PLEKHG4: variants seen among roughly 807,000 people sequenced by gnomAD.
PLEKHG4 encodes the protein puratrophin-1.
A neutral mutation model predicts 136.9 loss-of-function variants in PLEKHG4; 85 were observed. The ratio of observed to expected loss-of-function variants is 0.62; its 90% CI spans 0.52 to 0.74. The LOEUF (loss-of-function observed/expected upper bound fraction) is 0.74, where lower values mean the gene tolerates loss of function less well. PLEKHG4 is among the 30% of genes least tolerant of loss of function. The pLI is 0.00. For missense variants in PLEKHG4, 1,317 were observed against 1,527.8 expected (o/e 0.86, Z 2.30); for synonymous variants, 577 against 646.9 (o/e 0.89, Z 1.64).
rs1296417818 is a variant in PLEKHG4, at chr16:67,282,367, C to T, written c.1253+18C>T. 1.9e-6 allele frequency: 3 copies of T among 1,610,962 alleles called. No individual in the cohort carries two copies. The highest frequency in any genetic ancestry group is 2.5e-6 in the Non-Finnish European group (3 of 1,179,066). Reference sequence around the variant, plus strand: ...GACTACAGGTGAGTGCAAGCCCGGCCCCCAGATCTTGCCCCAGCCCACCAT... The same window carrying T: ...GACTACAGGTGAGTGCAAGCCCGGCTCCCAGATCTTGCCCCAGCCCACCAT... On this transcript the variant is annotated intron_variant, in intron 9 of 21. Transcript: ENST00000379344.
chr16:67,286,399 C>A, intron 15 of PLEKHG4, 36 bp downstream of exon 15: 1 of 1,604,736 alleles, frequency 6.2e-7, no homozygotes, highest in Non-Finnish European at 8.5e-7. Flanking sequence ...GTAGGGGATG[C>A]GGGGAGTGCC....
rs1330993804 is a variant in PLEKHG4, at chr16:67,284,743, G to A, written c.1723G>A (p.Val575Met). 2 of 1,613,938 alleles carry A rather than the reference G, an allele frequency of 1.2e-6. No individual in the cohort carries two copies. The highest frequency in any genetic ancestry group is 1.7e-6 in the Non-Finnish European group (2 of 1,179,970). The part of the protein sequence containing the change: ...ALTWAEEGQR[V>M]LAELEQERPG... ...GACGTGGGCTGAGGAGGGGCAGCGA[G>A]TGTTGGCAGAGCTGGAGCAGGAACG... The change falls in exon 13 of 22, where the codon GTG becomes ATG. Residue 575 changes from valine (V) to methionine (M), a missense_variant. Transcript: ENST00000379344. The surrounding 1 kb of genome is among the most constrained non-coding windows in gnomAD (Gnocchi z 4.4).
chr16:67,282,539 G>C lies in PLEKHG4; in HGVS notation c.1290G>C (p.Arg430=). Residue 430 remains arginine (R), a synonymous_variant, in exon 10 of 22, where the codon CGG becomes CGC. Coordinates refer to ENST00000379344, the MANE Select transcript of PLEKHG4 (RefSeq NM_001129729.3). ...AMDKADELYD[R]VDGLLHQLTL... is the part of the protein sequence containing the mutation. ...ACAAGGCTGACGAGCTATATGACCGGGTGGATGGATTGCTGCACCAACTGA... is the reference window on the plus strand; with the variant it reads ...ACAAGGCTGACGAGCTATATGACCGCGTGGATGGATTGCTGCACCAACTGA... 1.2e-6 allele frequency: 2 copies of C among 1,614,126 alleles called. No individual in the cohort carries two copies. Among genetic ancestry groups the C allele is most frequent in the Non-Finnish European group, 1.7e-6 (2 of 1,180,046 alleles).
intron 11 of PLEKHG4, among the ~76,000 whole-genome samples, chr16:67,283,785 G>T (rs1400453741): frequency 6.6e-6 from 1 of 152,154 alleles, no homozygotes; most frequent in Admixed American, 6.5e-5. Flanking sequence ...GGATCACTTG[G>T]TGGGTCCAGG....
chr16:67,288,134 G>C, intron 19 of PLEKHG4, 33 bp from the exon 20 acceptor site: 1 of 1,594,872 alleles, frequency 6.3e-7, no homozygotes, highest in Non-Finnish European at 8.6e-7. Context: ...CTAGGCTCTG[G>C]CCTGTCCCAA....
In PLEKHG4 at chr16:67,280,438, G is replaced by A. The variant is rs367934568; in HGVS notation, c.394G>A (p.Gly132Ser). The change falls in exon 2 of 22, where the codon GGT becomes AGT. Residue 132 changes from glycine (G) to serine (S), a missense_variant. Transcript: ENST00000379344. This position sits in a 1 kb window ranked among gnomAD's most constrained non-coding sequence, Gnocchi z 4.4. ...TPGVGLVGDP[G>S]PSRAMPSGLS... ...AGGGGTAGGGTTGGTAGGGGACCCA[G>A]GTCCAAGCAGGGCGATGCCATCTGG... 6.2e-7 allele frequency: 1 copy of A among 1,600,682 alleles called. No individual in the cohort carries two copies. The highest frequency in any genetic ancestry group is 8.5e-7 in the Non-Finnish European group (1 of 1,172,678).
chr16:67,280,839 G>A lies in PLEKHG4; in HGVS notation c.595+33G>A, dbSNP rs371376758. 6.2e-7 allele frequency: 1 copy of A among 1,613,704 alleles called. No homozygotes were observed. Among genetic ancestry groups the A allele is most frequent in the Admixed American group, 1.7e-5 (1 of 60,030 alleles). Reference sequence around the variant, plus strand: ...GGCGGGCCTAGAGGCGGTGGAGGTGGAGTGGCCCAATACGGCAGGAGTTCA... The same window carrying A: ...GGCGGGCCTAGAGGCGGTGGAGGTGAAGTGGCCCAATACGGCAGGAGTTCA... On this transcript the variant is annotated intron_variant, in intron 3 of 21. Transcript: ENST00000379344. The surrounding 1 kb of genome is among the most constrained non-coding windows in gnomAD (Gnocchi z 4.4).
Position 67,280,563 on chromosome 16 carries a change from G to A in PLEKHG4, c.499+20G>A. On this transcript the variant is annotated intron_variant, in intron 2 of 21. Coordinates refer to ENST00000379344, the MANE Select transcript of PLEKHG4 (RefSeq NM_001129729.3). The surrounding 1 kb of genome is among the most constrained non-coding windows in gnomAD (Gnocchi z 4.4). ...AGGCAGGTAAGGAAGGCTGGGCTAG[G>A]GAAGTCTGGGAAGGGAATGGGGATG... is the stretch of plus-strand genomic sequence containing the variant. 1 of 1,613,084 alleles carries A rather than the reference G, an allele frequency of 6.2e-7. No homozygotes were observed. The highest frequency in any genetic ancestry group is 2.2e-5 in the East Asian group (1 of 44,872).
Position 67,284,495 on chromosome 16 carries a change from G to T in PLEKHG4, c.1692+38G>T. On this transcript the variant is annotated intron_variant, in intron 12 of 21. Transcript: ENST00000379344. The surrounding 1 kb of genome is among the most constrained non-coding windows in gnomAD (Gnocchi z 4.4). Reference sequence around the variant, plus strand: ...CTCCCCAGCTCCAAGTGATCCATGAGGCCGGAGGGATGGCAGCCCCAGCTT... The same window carrying T: ...CTCCCCAGCTCCAAGTGATCCATGATGCCGGAGGGATGGCAGCCCCAGCTT... The T allele has an allele frequency of 6.2e-7, 1 of 1,602,388 alleles. No homozygotes were observed. Among genetic ancestry groups the T allele is most frequent in the South Asian group, 1.1e-5 (1 of 90,604 alleles).
rs548848685 is a variant in PLEKHG4 at position 67,284,074 on chromosome 16, C to T, written c.1510-201C>T. 3.9e-5 allele frequency among the ~76,000 whole-genome samples: 6 copies of T among 151,948 alleles called. No individual in the cohort carries two copies. Among genetic ancestry groups the T allele is most frequent in the Non-Finnish European group, 7.4e-5 (5 of 67,990 alleles). On this transcript the variant is annotated intron_variant, in intron 11 of 21. Coordinates refer to ENST00000379344, the MANE Select transcript of PLEKHG4 (RefSeq NM_001129729.3). This position sits in a 1 kb window ranked among gnomAD's most constrained non-coding sequence, Gnocchi z 4.4. ...GGCTGGTGCGGAGGGCGAGACGAGA[C>T]GGTGAGGACAGATGATTCCTCTAGG... is the stretch of plus-strand genomic sequence containing the variant.
At position 67,281,190 on chromosome 16, in the gene PLEKHG4, T is replaced by A; in HGVS notation, c.813+6T>A. 6.3e-7 allele frequency: 1 copy of A among 1,584,032 alleles called. No homozygotes were observed. The highest frequency in any genetic ancestry group is 1.1e-5 in the South Asian group (1 of 90,410). ...CTGGGCTCAGCCAACTACAAGTGAGTACAGGATTGTAGCTCCCCTCATTCC... is the reference window on the plus strand; with the variant it reads ...CTGGGCTCAGCCAACTACAAGTGAGAACAGGATTGTAGCTCCCCTCATTCC... On this transcript the variant is annotated splice_donor_region_variant and intron_variant, in intron 5 of 21. Transcript: ENST00000379344.
chr16:67,282,966 T>C, intron 11 of PLEKHG4, 108 bp downstream of exon 11: 2 of 814,898 alleles, frequency 2.5e-6, no homozygotes, highest in East Asian at 2.5e-5. Flanking sequence ...TTAGACCTTA[T>C]AGTCCCATAG....
chr16:67,286,008 G>A (rs1011241172), intron 14 of PLEKHG4, among the ~76,000 whole-genome samples: 6 of 152,204 alleles, frequency 3.9e-5, no homozygotes, highest in Non-Finnish European at 7.3e-5. Context: ...TCTTAGAGCC[G>A]TGGGAGGAGC....
intron 9 of PLEKHG4, 41 bp downstream of exon 9, chr16:67,282,390 C>G (rs1309664737): frequency 1.2e-6 from 2 of 1,611,604 alleles, no homozygotes; most frequent in African/African-American, 1.3e-5. Context: ...CCCAGCCCAC[C>G]ATATTCTATG....
At position 67,280,689 on chromosome 16, in the gene PLEKHG4, C is replaced by T; in HGVS notation, c.500-22C>T. The T allele has an allele frequency of 1.2e-6, 2 of 1,613,982 alleles. No individual in the cohort carries two copies. The highest frequency in any genetic ancestry group is 1.6e-4 in the Middle Eastern group (1 of 6,062). ...TCTGGATAGGTGGTCCAAGGCAGAC[C>T]CAAGTCATTTCCCTTCCCAAGCCCC... On this transcript the variant is annotated intron_variant, in intron 2 of 21. Transcript: ENST00000379344. The surrounding 1 kb of genome is among the most constrained non-coding windows in gnomAD (Gnocchi z 4.4).
At chr16:67,287,209 C>A (rs1405187189) in intron 18 of PLEKHG4, 32 bp downstream of exon 18, 1 of 1,595,800 alleles carries the variant, frequency 6.3e-7, no homozygotes, top group Non-Finnish European at 8.5e-7. Flanking sequence ...ACGCCACACT[C>A]CCCTCACTGG....
At position 67,289,178 on chromosome 16, in the gene PLEKHG4, C is replaced by G. The variant is rs1266293865; in HGVS notation, c.*370C>G. ...GGGTGCCCCCACCCCTCAGGAAGAACACAGGTGGGCTCCTAGCAGCTGATC... is the reference window on the plus strand; with the variant it reads ...GGGTGCCCCCACCCCTCAGGAAGAAGACAGGTGGGCTCCTAGCAGCTGATC... On this transcript the variant is annotated 3_prime_UTR_variant, in exon 22 of 22. Coordinates refer to ENST00000379344, the MANE Select transcript of PLEKHG4 (RefSeq NM_001129729.3). 1 of 462,316 alleles carries G rather than the reference C, an allele frequency of 2.2e-6. No homozygotes were observed. Among genetic ancestry groups the G allele is most frequent in the African/African-American group, 2.0e-5 (1 of 50,888 alleles). The allele number at this position is 462,316 out of a possible 1,614,324, so 28.6% of individuals were successfully genotyped here. A position where few individuals can be genotyped will look rare whatever the true frequency, so the allele number is the denominator to read the frequency against.
chr16:67,288,483 C>T lies in PLEKHG4; in HGVS notation c.3455-6C>T. The T allele has an allele frequency of 5.0e-6, 8 of 1,614,176 alleles. No homozygotes were observed. Among genetic ancestry groups the T allele is most frequent in the Non-Finnish European group, 5.9e-6 (7 of 1,180,020 alleles). ...TGCTGACAGTTCACCCAGTCTCCCT[C>T]CCTAGCTGCTGAGGACTCAGAGATC... On this transcript the variant is annotated splice_polypyrimidine_tract_variant and splice_region_variant and intron_variant, in intron 20 of 21. Coordinates refer to ENST00000379344, the MANE Select transcript of PLEKHG4 (RefSeq NM_001129729.3).
Position 67,284,429 on chromosome 16 carries a change from C to T in PLEKHG4, c.1664C>T (p.Ala555Val), listed in dbSNP as rs374653053. The change falls in exon 12 of 22, where the codon GCT (alanine) becomes GTT (valine). Residue 555 changes from alanine (A) to valine (V), a missense_variant. Coordinates refer to ENST00000379344, the MANE Select transcript of PLEKHG4 (RefSeq NM_001129729.3). This position sits in a 1 kb window ranked among gnomAD's most constrained non-coding sequence, Gnocchi z 4.4. ...CAGCGGTGCCAGCGGCTGGCGGATG[C>T]TGAGAGGCTGTTTCAGCTCTTCAGG... ...LAQRCQRLAD[A>V]ERLFQLFREA... 2.9e-5 allele frequency: 46 copies of T among 1,614,026 alleles called. No homozygotes were observed. Among genetic ancestry groups the T allele is most frequent in the Non-Finnish European group, 3.4e-5 (40 of 1,179,994 alleles).
Sources: gnomAD v4.1 joint callset for allele counts (sites outside exome capture counted in the v4.1 genomes callset) on GRCh38, gnomAD v4.1.1 for gene constraint, Gnocchi (gnomAD v3.1) non-coding constraint, MANE v1.5 for transcripts, NCBI Gene and HGNC (gene_info 2026-07-23, HGNC 2026-07-21) for gene names.